Variants in MYSM1 observed in about 807,000 individuals in gnomAD.
The protein encoded by MYSM1 is deubiquitinase MYSM1.
In MYSM1, 51 loss-of-function variants were observed where a neutral mutation model predicts 116.0. The ratio of observed to expected loss-of-function variants is 0.44; its 90% confidence interval spans 0.35 to 0.56. MYSM1 has a LOEUF of 0.56. Among genes scored for constraint, MYSM1 ranks in the 20% least tolerant of loss-of-function variants. The pLI is 0.00. For synonymous variants in MYSM1, 313 were observed against 315.2 expected (o/e 0.99, Z 0.07); for missense variants, 900 against 974.9 (o/e 0.92, Z 1.02).
chr1:58,680,824 A>T (rs977752208), intron 8 of MYSM1, among the ~76,000 whole-genome samples: 18 of 145,828 alleles, frequency 1.2e-4, no homozygotes, highest in African/African-American at 3.3e-4. Flanking sequence ...TTTAAAAATA[A>T]TTTTTTTTTT....
intron 12 of MYSM1, among the ~76,000 whole-genome samples, chr1:58,669,354 A>G (rs1644521534): frequency 6.6e-6 from 1 of 152,232 alleles, no homozygotes; most frequent in Non-Finnish European, 1.5e-5. Context: ...CAATGAAAAT[A>G]TAATTAACTG....
At chr1:58,673,049 T>G (rs1644587684) in intron 11 of MYSM1, among the ~76,000 whole-genome samples, 1 of 152,130 alleles carries the variant, frequency 6.6e-6, no homozygotes, top group Non-Finnish European at 1.5e-5. Context: ...CAACAATACT[T>G]TGAGGGAGGT....
chr1:58,666,967 G>A (rs1644483358), intron 16 of MYSM1, 71 bp downstream of exon 16: 1 of 680,302 alleles, frequency 1.5e-6, no homozygotes, highest in South Asian at 4.8e-5. Context: ...AATGTTTAAA[G>A]TTTATCTATT....
chr1:58,685,022 G>T, intron 7 of MYSM1, 131 bp downstream of exon 7: 1 of 638,040 alleles, frequency 1.6e-6, no homozygotes, highest in Non-Finnish European at 2.6e-6. Context: ...GTTTTGTATA[G>T]TACTATGTGG....
intron 6 of MYSM1, among the ~76,000 whole-genome samples, chr1:58,688,689 T>G (rs1186642568): frequency 2.4e-5 from 2 of 82,246 alleles, no homozygotes; most frequent in East Asian, 6.8e-4. Flanking sequence ...AGTTTTTATT[T>G]TATTTCAAAA....
At chr1:58,661,954 A>C (rs764964555) in intron 17 of MYSM1, among the ~76,000 whole-genome samples, 1 of 148,964 alleles carries the variant, frequency 6.7e-6, no homozygotes, top group Non-Finnish European at 1.5e-5. Flanking sequence ...AGCTTACAAC[A>C]ATGCTGTAAG....
rs1383805996 is a variant in MYSM1 at position 58,666,901 on chromosome 1, T to A, written c.2031+137A>T. On this transcript the variant is annotated intron_variant, in intron 16 of 19. Transcript: ENST00000472487. ...AAAAAAAAATAATAATAAAAATAAA[T>A]AAAAATAAACAAACAAAATCCCCAG... The A allele has an allele frequency of 2.2e-5, 9 of 406,530 alleles. No individual in the cohort carries two copies. In the East Asian group the frequency reaches 3.2e-4, roughly 14 times the overall value. 25.2% of individuals were successfully genotyped at this position (406,530 alleles called of 1,614,324 possible).
At chr1:58,694,835 C>T (rs958423652) in intron 2 of MYSM1, among the ~76,000 whole-genome samples, 4 of 152,030 alleles carry the variant, frequency 2.6e-5, no homozygotes, top group Non-Finnish European at 5.9e-5. Context: ...TGCCCACCTA[C>T]CACTTTTTTA....
At chr1:58,692,351 A>G (rs1644916142) in intron 3 of MYSM1, 1 of 152,286 alleles carries the variant, frequency 6.6e-6, no homozygotes, top group African/African-American at 2.4e-5. Context: ...CTCCTTTTAC[A>G]TGTACGAAAA....
In MYSM1 at chr1:58,660,132, A is replaced by G; in HGVS notation, c.2352T>C (p.Thr784=). ...LQKLLECMRK[T]LSKVTNCFMA... Reference sequence around the variant, plus strand: ...TAAAGCAATTGGTCACTTTGCTCAGAGTCTTCCTCATACACTCCAAAAGCT... The same window carrying G: ...TAAAGCAATTGGTCACTTTGCTCAGGGTCTTCCTCATACACTCCAAAAGCT... The change falls in exon 20 of 20, where the codon ACT becomes ACC. Residue 784 remains threonine, a synonymous_variant. Coordinates refer to ENST00000472487, the MANE Select transcript of MYSM1 (RefSeq NM_001085487.3). The G allele has an allele frequency of 1.2e-6, 2 of 1,603,492 alleles. No homozygotes were observed. The highest frequency in any genetic ancestry group is 1.7e-6 in the Non-Finnish European group (2 of 1,175,954).
At chr1:58,686,072 C>T (rs768220209) in intron 6 of MYSM1, among the ~76,000 whole-genome samples, 8 of 152,086 alleles carry the variant, frequency 5.3e-5, no homozygotes, top group African/African-American at 1.9e-4. Flanking sequence ...ACTACAGGTA[C>T]GCACCACTTT....
chr1:58,673,385 C>T (rs1188106849), intron 11 of MYSM1, among the ~76,000 whole-genome samples, 188 bp downstream of exon 11: 2 of 152,146 alleles, frequency 1.3e-5, no homozygotes, highest in Non-Finnish European at 2.9e-5. Flanking sequence ...GAGTTAAACT[C>T]CTAGTTAACT....
chr1:58,660,207 T>G, intron 19 of MYSM1, 52 bp from the exon 20 acceptor site: 1 of 1,202,570 alleles, frequency 8.3e-7, no homozygotes. Flanking sequence ...TATGAGGGTT[T>G]GCATTACTAT....
chr1:58,670,008 G>C (rs1644536970), intron 12 of MYSM1, among the ~76,000 whole-genome samples: 1 of 152,060 alleles, frequency 6.6e-6, no homozygotes, highest in Admixed American at 6.6e-5. Flanking sequence ...GCTATCTTCA[G>C]GGAAAGAAAA....
At chr1:58,698,100 A>ATTTTTTTTT (rs1446935480) in intron 1 of MYSM1, among the ~76,000 whole-genome samples, 3 of 4,960 alleles carry the variant, frequency 6.0e-4, no homozygotes, top group East Asian at 0.012. Context: ...ATATATATAT[A>ATTTTTTTTT]TATTTTTTTT....
chr1:58,681,618 G>A (rs937107936), intron 8 of MYSM1, among the ~76,000 whole-genome samples, 167 bp downstream of exon 8: 1 of 152,138 alleles, frequency 6.6e-6, no homozygotes, highest in African/African-American at 2.4e-5. Context: ...AGAGTTATAG[G>A]TGATAATGTT....
intron 14 of MYSM1, 135 bp from the exon 15 acceptor site, chr1:58,668,056 G>T (rs1282355277): frequency 2.9e-6 from 2 of 687,808 alleles, no homozygotes; most frequent in Admixed American, 2.3e-5. Context: ...CATAGGAGAG[G>T]AACTAGATGC....
At chr1:58,681,464 A>C (rs1042052794) in intron 8 of MYSM1, among the ~76,000 whole-genome samples, 5 of 152,208 alleles carry the variant, frequency 3.3e-5, no homozygotes, top group African/African-American at 1.2e-4. Context: ...GATAAACCGG[A>C]AAGAATTATT....
chr1:58,696,822 A>G (rs978566554), intron 1 of MYSM1, among the ~76,000 whole-genome samples: 2 of 152,160 alleles, frequency 1.3e-5, no homozygotes, highest in African/African-American at 4.8e-5. Context: ...GTACTCAATA[A>G]AAATTTGTTG....
Sources: gnomAD v4.1 joint callset for allele counts (sites outside exome capture counted in the v4.1 genomes callset) on GRCh38, gnomAD v4.1.1 for gene constraint, MANE v1.5 for transcripts, NCBI Gene and HGNC (gene_info 2026-07-23, HGNC 2026-07-21) for gene names.